LDB3: variants seen among roughly 807,000 people sequenced by gnomAD.
The protein encoded by LDB3 is LIM domain-binding protein 3.
A neutral mutation model predicts 69.0 loss-of-function variants in LDB3; 49 were observed. The observed-to-expected ratio is 0.71, with a 90% CI of 0.56 to 0.90. LDB3 has a LOEUF of 0.90. LDB3 is among the 40% of genes least tolerant of loss of function. The pLI is 0.00. For synonymous variants in LDB3, 387 were observed against 396.2 expected, an observed-to-expected ratio of 0.98 and a Z score of 0.28; for missense variants, 928 against 974.1, an observed-to-expected ratio of 0.95 and a Z score of 0.63.
Position 86,699,580 on chromosome 10 carries a change from C to A in LDB3, c.897-6951C>A. 1 of 1,429,798 alleles carries A rather than the reference C, an allele frequency of 7.0e-7. No homozygotes were observed. Among genetic ancestry groups the A allele is most frequent in the Non-Finnish European group, 9.1e-7 (1 of 1,093,108 alleles). 88.6% of individuals were successfully genotyped at this position (1,429,798 alleles called of 1,614,324 possible). On this transcript the variant is annotated intron_variant, in intron 7 of 13. Transcript: ENST00000361373. This position sits in a 1 kb window ranked among gnomAD's most constrained non-coding sequence, Gnocchi z 4.9. ...CAGCCCCCTGCAGCTCTGTACCCAC[C>A]AAACCTCCCCAGGGCAACCCTCGCC...
In LDB3 at chr10:86,668,677, G is replaced by A. The variant is rs201865389; in HGVS notation, c.-15G>A. 114 of 1,608,674 alleles carry A rather than the reference G, an allele frequency of 7.1e-5. No individual in the cohort carries two copies. The African/African-American group carries it at 1.0e-3, about 15-fold the overall frequency. On this transcript the variant is annotated 5_prime_UTR_variant, in exon 2 of 14. Transcript: ENST00000361373. ...CTACCCTTTGTCTGCAGAGGCGGCCGCTGACAGCACCAGCATGTCTTACAG... is the reference window on the plus strand; with the variant it reads ...CTACCCTTTGTCTGCAGAGGCGGCCACTGACAGCACCAGCATGTCTTACAG...
chr10:86,725,271 C>G (rs549109291), intron 12 of LDB3, among the ~76,000 whole-genome samples: 1 of 152,336 alleles, frequency 6.6e-6, no homozygotes, highest in East Asian at 1.9e-4. Context: ...ACCTGACCCA[C>G]TGTGCTTCAG....
Position 86,732,006 on chromosome 10 carries a change from TTTC to T in LDB3, c.2095-878_2095-876del, listed in dbSNP as rs1391536991. Among the ~76,000 whole-genome samples the T allele has an allele frequency of 1.6e-3, 211 of 128,196 alleles. 1 individual carries two copies. Among genetic ancestry groups the T allele is most frequent in the Non-Finnish European group, 2.6e-3 (160 of 62,632 alleles). 84.1% of individuals were successfully genotyped at this position (128,196 alleles called of 152,430 possible). ...ACTAATTTTCTTTTCTTTCTTTCTT[TTTC>T]TTTTTTTTTTTTTTTGGTAGAGACA... On this transcript the variant is annotated intron_variant, in intron 13 of 13. Transcript: ENST00000361373.
chr10:86,677,807 G>A (rs763602496), intron 2 of LDB3, among the ~76,000 whole-genome samples: 8 of 152,110 alleles, frequency 5.3e-5, no homozygotes, highest in Admixed American at 2.6e-4. Flanking sequence ...CAGGGTTGTC[G>A]GCTACCTCAC....
Position 86,681,883 on chromosome 10 carries a change from G to C in LDB3, c.689+80G>C, listed in dbSNP as rs1445275559. On this transcript the variant is annotated intron_variant, in intron 5 of 13. Coordinates refer to ENST00000361373, the MANE Select transcript of LDB3 (RefSeq NM_007078.3). ...GTGCTCGGCAGAGACCTGGTCAGGT[G>C]GTCAGAGCGAGGCACTGGCCCCAAT... 4 of 1,435,568 alleles carry C rather than the reference G, an allele frequency of 2.8e-6. No individual in the cohort carries two copies. The African/African-American group carries it at 5.7e-5, about 21-fold the overall frequency. The allele number at this position is 1,435,568 out of a possible 1,614,324, so 88.9% of individuals were successfully genotyped here.
rs557479871 is a variant in LDB3 at position 86,681,642 on chromosome 10, G to T, written c.528G>T (p.Gly176=). Residue 176 remains glycine (G), a synonymous_variant, in exon 5 of 14, where the codon GGG becomes GGT. Coordinates refer to ENST00000361373, the MANE Select transcript of LDB3 (RefSeq NM_007078.3). ...TGAGGGCCAAGACCAGCCCAGAGGGGGCCCGGGACCTACTCGGCCCAAAAG... is the reference window on the plus strand; with the variant it reads ...TGAGGGCCAAGACCAGCCCAGAGGGTGCCCGGGACCTACTCGGCCCAAAAG... ...ASLRAKTSPE[G]ARDLLGPKAL... 5 of 1,613,218 alleles carry T rather than the reference G, an allele frequency of 3.1e-6. No individual in the cohort carries two copies. In the South Asian group the frequency reaches 4.4e-5, roughly 14 times the overall value.
rs757856121 is a variant in LDB3 at position 86,679,435 on chromosome 10, C to T, written c.162C>T (p.Gly54=). The change falls in exon 3 of 14, where the codon GGC becomes GGT. Residue 54 remains glycine, a synonymous_variant. Transcript: ENST00000361373. ...GTGACCTCGTGGTGGCCATTGACGG[C>T]GTCAACACAGACACCATGACCCACC... The part of the protein sequence containing the change: ...SQGDLVVAID[G]VNTDTMTHLE... The T allele has an allele frequency of 1.1e-5, 18 of 1,614,110 alleles. No homozygotes were observed. Among genetic ancestry groups the T allele is most frequent in the South Asian group, 8.8e-5 (8 of 91,080 alleles).
Position 86,668,961 on chromosome 10 carries a change from C to T in LDB3, c.93+177C>T, listed in dbSNP as rs3740342. Among the ~76,000 whole-genome samples the T allele has an allele frequency of 0.19, 28,983 of 152,040 alleles. 3,063 individuals are homozygous for T. Among genetic ancestry groups the T allele is most frequent in the East Asian group, 0.43 (2,216 of 5,154 alleles). On this transcript the variant is annotated intron_variant, in intron 2 of 13. Coordinates refer to ENST00000361373, the MANE Select transcript of LDB3 (RefSeq NM_007078.3). ...CCACAGCTGTTTGCTCACTGGAGCGCGCCGGCCTGTTATGCATGTGAGACA... is the reference window on the plus strand; with the variant it reads ...CCACAGCTGTTTGCTCACTGGAGCGTGCCGGCCTGTTATGCATGTGAGACA...
chr10:86,702,228 C>T (rs1435965201), intron 7 of LDB3, among the ~76,000 whole-genome samples: 2 of 152,174 alleles, frequency 1.3e-5, no homozygotes, highest in African/African-American at 2.4e-5. Context: ...CAGTGGCAAC[C>T]ACCCCTTCAG....
chr10:86,693,921 C>T lies in LDB3; in HGVS notation c.896+1350C>T, dbSNP rs573295514. Among the ~76,000 whole-genome samples, 6 of 152,306 alleles carry T rather than the reference C, an allele frequency of 3.9e-5. No homozygotes were observed. The East Asian group carries it at 7.7e-4, about 20-fold the overall frequency. ...TTTAAATCACACACCCCAGAGCAAG[C>T]GGCTTCAAAATCCCCCCGGGTTCCT... On this transcript the variant is annotated intron_variant, in intron 7 of 13. Transcript: ENST00000361373.
intron 10 of LDB3, 149 bp from the exon 11 acceptor site, chr10:86,717,815 A>G: frequency 1.4e-6 from 1 of 731,400 alleles, no homozygotes; most frequent in Non-Finnish European, 2.2e-6. Context: ...TTCTGCATGG[A>G]GCTTTCTCTG....
chr10:86,712,857 G>A (rs114459062), intron 9 of LDB3, among the ~76,000 whole-genome samples: 11,309 of 152,104 alleles, frequency 0.074, 493 homozygotes, highest in African/African-American at 0.082. Context: ...TCAGAAGATC[G>A]AGACCACCAG....
At chr10:86,697,549 C>CTTTTTTTTTTT (rs71019409) in intron 7 of LDB3, among the ~76,000 whole-genome samples, 1 of 83,938 alleles carries the variant, frequency 1.2e-5, no homozygotes, top group Admixed American at 1.4e-4. Flanking sequence ...TTCTTTCTTT[C>CTTTTTTTTTTT]TTTTTTTTTT....
chr10:86,725,504 T>G (rs1428322128), intron 12 of LDB3, among the ~76,000 whole-genome samples: 1 of 152,212 alleles, frequency 6.6e-6, no homozygotes, highest in Non-Finnish European at 1.5e-5. Context: ...AAAGCTAAGA[T>G]GTAGTCCCTG....
In LDB3 at chr10:86,680,078, A is replaced by G. The variant is rs370264195; in HGVS notation, c.246-4A>G. On this transcript the variant is annotated splice_region_variant and splice_polypyrimidine_tract_variant and intron_variant, in intron 3 of 13. Coordinates refer to ENST00000361373, the MANE Select transcript of LDB3 (RefSeq NM_007078.3). ...TCACCTGGTCTCATTTCTGGTTTCTACAGATCAAAGCGTCCCATTCCCATC... is the reference window on the plus strand; with the variant it reads ...TCACCTGGTCTCATTTCTGGTTTCTGCAGATCAAAGCGTCCCATTCCCATC... 3 of 1,613,748 alleles carry G rather than the reference A, an allele frequency of 1.9e-6. No homozygotes were observed. The highest frequency in any genetic ancestry group is 1.3e-5 in the African/African-American group (1 of 74,890).
intron 13 of LDB3, among the ~76,000 whole-genome samples, chr10:86,727,476 C>T (rs1407699400): frequency 1.3e-5 from 2 of 152,142 alleles, no homozygotes; most frequent in East Asian, 3.8e-4. Flanking sequence ...AGTTTACGGC[C>T]ATATACTTTT....
At position 86,699,495 on chromosome 10, in the gene LDB3, C is replaced by A; in HGVS notation, c.896+6924C>A. ...CAATGTATAACTCTGCTGGGGGCACCTCTGATGGCCAACCGCAGCATTTCT... is the reference window on the plus strand; with the variant it reads ...CAATGTATAACTCTGCTGGGGGCACATCTGATGGCCAACCGCAGCATTTCT... On this transcript the variant is annotated intron_variant, in intron 7 of 13. Transcript: ENST00000361373. This position sits in a 1 kb window ranked among gnomAD's most constrained non-coding sequence, Gnocchi z 4.9. 6.4e-7 allele frequency: 1 copy of A among 1,551,252 alleles called. No individual in the cohort carries two copies. The highest frequency in any genetic ancestry group is 1.2e-5 in the South Asian group (1 of 85,872).
chr10:86,685,997 G>A (rs1177927015), intron 5 of LDB3, among the ~76,000 whole-genome samples: 1 of 152,146 alleles, frequency 6.6e-6, no homozygotes, highest in South Asian at 2.1e-4. Flanking sequence ...AGGGGGAGGG[G>A]GACACAGGCT....
At chr10:86,690,835 C>T (rs1287429096) in intron 5 of LDB3, among the ~76,000 whole-genome samples, 4 of 152,260 alleles carry the variant, frequency 2.6e-5, no homozygotes, top group African/African-American at 9.6e-5. Flanking sequence ...ACAGGGCTAG[C>T]AGCCAGGAAA....
Sources: gnomAD v4.1 joint callset for allele counts (sites outside exome capture counted in the v4.1 genomes callset) on GRCh38, gnomAD v4.1.1 for gene constraint, Gnocchi (gnomAD v3.1) non-coding constraint, MANE v1.5 for transcripts, NCBI Gene and HGNC (gene_info 2026-07-23, HGNC 2026-07-21) for gene names.